The following ADAMTSL1 variants were observed in gnomAD, a reference collection of about 807,000 sequenced individuals.
ADAMTSL1 encodes ADAMTS like 1.
ADAMTSL1 carries 126 observed loss-of-function variants against 201.8 expected under a neutral mutation model. The observed-to-expected ratio is 0.62, with a 90% confidence interval of 0.54 to 0.72. ADAMTSL1 has a LOEUF of 0.72. Among genes scored for constraint, ADAMTSL1 ranks in the 30% least tolerant of loss-of-function variants. The pLI is 0.00. For missense variants in ADAMTSL1, 2,679 were observed against 2,277.8 expected (o/e 1.18, Z -3.59); for synonymous variants, 1,121 against 903.4 (o/e 1.24, Z -4.32).
chr9:18,527,728 G>C (rs1262695163), intron 2 of ADAMTSL1, among the ~76,000 whole-genome samples: 1 of 152,130 alleles, frequency 6.6e-6, no homozygotes, highest in Non-Finnish European at 1.5e-5. Context: ...ATTAAAGACT[G>C]AATAATTCAC....
intron 14 of ADAMTSL1, among the ~76,000 whole-genome samples, chr9:18,715,422 A>G (rs573608934): frequency 6.6e-6 from 1 of 152,294 alleles, no homozygotes; most frequent in South Asian, 2.1e-4. Context: ...AAAAATCGCA[A>G]GCATTCTTAT....
intron 1 of ADAMTSL1, among the ~76,000 whole-genome samples, chr9:18,074,943 C>T (rs1188609841): frequency 6.6e-6 from 1 of 152,194 alleles, no homozygotes; most frequent in Admixed American, 6.6e-5. Context: ...ATCAGCCAGG[C>T]AGAACAAATT....
intron 2 of ADAMTSL1, among the ~76,000 whole-genome samples, chr9:18,264,806 T>C (rs1162288605): frequency 6.6e-6 from 1 of 152,222 alleles, no homozygotes; most frequent in African/African-American, 2.4e-5. Context: ...ATATCAATTC[T>C]TGTTGGAGGC....
chr9:18,647,986 G>A (rs1228237336), intron 7 of ADAMTSL1, among the ~76,000 whole-genome samples: 3 of 149,724 alleles, frequency 2.0e-5, no homozygotes, highest in African/African-American at 7.4e-5. Flanking sequence ...TGACAGTGGG[G>A]TGTTAAAGTC....
intron 2 of ADAMTSL1, among the ~76,000 whole-genome samples, chr9:18,415,674 A>C (rs1818641984): frequency 6.6e-6 from 1 of 152,034 alleles, no homozygotes; most frequent in African/African-American, 2.4e-5. Context: ...AAAAAGAAAA[A>C]AAAAATCTAC....
intron 20 of ADAMTSL1, among the ~76,000 whole-genome samples, chr9:18,814,326 G>T (rs1202166727): frequency 1.3e-5 from 2 of 152,124 alleles, no homozygotes; most frequent in African/African-American, 4.8e-5. Flanking sequence ...GTTCTTCAGG[G>T]ATCTTAGCCT....
chr9:18,123,260 G>A (rs540417886), intron 1 of ADAMTSL1, among the ~76,000 whole-genome samples: 43 of 152,254 alleles, frequency 2.8e-4, no homozygotes, highest in Middle Eastern at 3.4e-3. Flanking sequence ...ATGCATTTCA[G>A]TTTTCATCAC....
intron 2 of ADAMTSL1, among the ~76,000 whole-genome samples, chr9:18,265,448 G>T (rs983472301): frequency 3.3e-5 from 5 of 152,062 alleles, no homozygotes; most frequent in African/African-American, 7.2e-5. Context: ...TAATAGAAGA[G>T]ACTTTTATTG....
At chr9:18,724,822 C>G (rs1817765719) in intron 15 of ADAMTSL1, among the ~76,000 whole-genome samples, 1 of 152,204 alleles carries the variant, frequency 6.6e-6, no homozygotes, top group Non-Finnish European at 1.5e-5. Context: ...TATCCCTTCT[C>G]TCCAACCTTC....
At chr9:17,925,702 T>A (rs1201186940) in intron 1 of ADAMTSL1, among the ~76,000 whole-genome samples, 1 of 108,456 alleles carries the variant, frequency 9.2e-6, no homozygotes. Flanking sequence ...CTGGGGACTG[T>A]GGTGGGGTGG....
At chr9:18,349,236 A>G (rs1260072575) in intron 2 of ADAMTSL1, among the ~76,000 whole-genome samples, 1 of 152,206 alleles carries the variant, frequency 6.6e-6, no homozygotes, top group East Asian at 1.9e-4. Context: ...TATCGCTCTC[A>G]TATACATGGG....
At chr9:18,661,472 T>C (rs1829089260) in intron 8 of ADAMTSL1, among the ~76,000 whole-genome samples, 1 of 152,158 alleles carries the variant, frequency 6.6e-6, no homozygotes. Context: ...TGGCCCCCCA[T>C]GTGCAAGGGG....
chr9:18,533,056 G>A (rs1434977171), intron 2 of ADAMTSL1, among the ~76,000 whole-genome samples, 191 bp from the exon 3 acceptor site: 1 of 151,936 alleles, frequency 6.6e-6, no homozygotes, highest in Non-Finnish European at 1.5e-5. Flanking sequence ...CCCTTATAGA[G>A]AAATCAATTT....
Position 18,315,350 on chromosome 9 carries a change from T to G in ADAMTSL1, c.207+151369T>G, listed in dbSNP as rs1834340600. ...CCCGCGCCAGGGTCGCAGGCGGAGC[T>G]GCCTGTCAGTCCCATGCCAGGCGCC... On this transcript the variant is annotated intron_variant, in intron 2 of 29. Transcript: ENST00000680146. Among the ~76,000 whole-genome samples, 4 of 152,090 alleles carry G rather than the reference T, an allele frequency of 2.6e-5. No individual in the cohort carries two copies. In the South Asian group the frequency reaches 8.4e-4, roughly 32 times the overall value.
chr9:18,343,933 C>T (rs2132981156), intron 2 of ADAMTSL1, among the ~76,000 whole-genome samples: 1 of 152,218 alleles, frequency 6.6e-6, no homozygotes, highest in South Asian at 2.1e-4. Context: ...ATGATTCCGC[C>T]TATGCAAATC....
At chr9:18,412,284 G>C (rs1036679919) in intron 2 of ADAMTSL1, among the ~76,000 whole-genome samples, 1 of 152,152 alleles carries the variant, frequency 6.6e-6, no homozygotes, top group African/African-American at 2.4e-5. Context: ...ATATCTGATT[G>C]TCCAACACTG....
upstream of ADAMTSL1, chr9:18,473,835 C>G (rs1326084297): frequency 4.2e-6 from 1 of 236,152 alleles, no homozygotes; most frequent in Non-Finnish European, 8.3e-6. Flanking sequence ...AAAGAACTAA[C>G]CAGGTCCATG....
intron 1 of ADAMTSL1, among the ~76,000 whole-genome samples, chr9:18,485,519 G>A (rs1046299748): frequency 6.6e-6 from 1 of 152,230 alleles, no homozygotes; most frequent in South Asian, 2.1e-4. Flanking sequence ...CAGAGGATAT[G>A]AGTTTCTGTA....
intron 1 of ADAMTSL1, among the ~76,000 whole-genome samples, chr9:17,946,902 C>T (rs950724951): frequency 7.9e-5 from 12 of 152,122 alleles, no homozygotes; most frequent in Middle Eastern, 3.4e-3. Flanking sequence ...TGATTTTGAG[C>T]AGAATGCAAT....
Sources: allele counts gnomAD v4.1 joint callset (sites outside exome capture counted in the v4.1 genomes callset), GRCh38; gene constraint gnomAD v4.1.1; transcripts MANE v1.5; gene names NCBI Gene and HGNC (gene_info 2026-07-23, HGNC 2026-07-21).